The following USP24 variants were observed in gnomAD, a reference collection of about 807,000 sequenced individuals.
USP24 encodes ubiquitin specific peptidase 24, also known as ubiquitin carboxyl-terminal hydrolase 24.
Under a neutral mutation model 361.6 loss-of-function variants are expected in USP24, and 97 were observed. The observed-to-expected ratio is 0.27, with a 90% CI of 0.23 to 0.32. The LOEUF is 0.32. Among genes scored for constraint, USP24 ranks in the 10% least tolerant of loss-of-function variants. The probability of loss-of-function intolerance (pLI) is 1.00; values close to 1 mark genes in which losing one functional copy is unlikely to be tolerated. For missense variants in USP24, 2,353 were observed against 3,165.6 expected, an observed-to-expected ratio of 0.74 and a Z score of 6.16; for synonymous variants, 1,098 against 1,124.6, an observed-to-expected ratio of 0.98 and a Z score of 0.47.
intron 1 of USP24, among the ~76,000 whole-genome samples, chr1:55,198,550 T>C (rs1190490322): frequency 6.6e-6 from 1 of 152,218 alleles, no homozygotes; most frequent in Non-Finnish European, 1.5e-5. Flanking sequence ...CACTGTAAGA[T>C]GTTTATCAGC....
intron 1 of USP24, among the ~76,000 whole-genome samples, chr1:55,188,321 G>T (rs1363551510): frequency 6.6e-6 from 1 of 151,584 alleles, no homozygotes; most frequent in Non-Finnish European, 1.5e-5. Flanking sequence ...TTATTTCTTG[G>T]AAAAGCAAAA....
At chr1:55,078,135 C>A (rs1645068654) in intron 61 of USP24, among the ~76,000 whole-genome samples, 2 of 152,022 alleles carry the variant, frequency 1.3e-5, no homozygotes, top group South Asian at 4.1e-4. Flanking sequence ...ATTCTGTGGG[C>A]AGAAACTAAT....
At chr1:55,154,922 T>C (rs1162398215) in intron 12 of USP24, 144 bp from the exon 13 acceptor site, 21 of 595,706 alleles carry the variant, frequency 3.5e-5, no homozygotes, top group Non-Finnish European at 5.4e-5. Flanking sequence ...TTGCATAATA[T>C]TGGCAAGACT....
chr1:55,206,977 C>T (rs115095164), intron 1 of USP24, among the ~76,000 whole-genome samples: 1,652 of 152,002 alleles, frequency 0.011, 31 homozygotes, highest in African/African-American at 0.038. Context: ...GACCAGCCTG[C>T]GCAACATGGC....
At chr1:55,124,738 T>C in intron 34 of USP24, 110 bp from the exon 35 acceptor site, 1 of 1,221,998 alleles carries the variant, frequency 8.2e-7, no homozygotes, top group Non-Finnish European at 1.1e-6. Flanking sequence ...CCCTCCAAGG[T>C]CATCCAGAAA....
At chr1:55,172,140 G>C (rs1366121752) in intron 4 of USP24, among the ~76,000 whole-genome samples, 4 of 152,178 alleles carry the variant, frequency 2.6e-5, no homozygotes, top group Non-Finnish European at 5.9e-5. Flanking sequence ...GGAGAGGTAA[G>C]AGAAAGGCAT....
rs533166816 is a variant in USP24 at position 55,078,519 on chromosome 1, C to T, written c.7314+19G>A. The T allele has an allele frequency of 7.5e-6, 12 of 1,590,598 alleles. No individual in the cohort carries two copies. In the African/African-American group the frequency reaches 9.4e-5, roughly 12 times the overall value. ...ACTTAAAGGCTATCTGGCTATCACT[C>T]GTTTAACTGAGGTCTTACCTTAATG... On this transcript the variant is annotated intron_variant, in intron 61 of 67. Coordinates refer to ENST00000294383, the MANE Select transcript of USP24 (RefSeq NM_015306.3).
At chr1:55,145,204 A>G (rs754287037) in intron 20 of USP24, among the ~76,000 whole-genome samples, 76 of 152,340 alleles carry the variant, frequency 5.0e-4, no homozygotes, top group Admixed American at 1.1e-3. Flanking sequence ...AAACTTGTAC[A>G]TGAATGTTTA....
At chr1:55,198,457 C>A (rs979678788) in intron 1 of USP24, among the ~76,000 whole-genome samples, 1 of 151,882 alleles carries the variant, frequency 6.6e-6, no homozygotes, top group Non-Finnish European at 1.5e-5. Context: ...GGTTTTAAGT[C>A]CCACCATGAG....
chr1:55,164,115 T>C (rs1648576966), intron 7 of USP24, among the ~76,000 whole-genome samples: 1 of 151,980 alleles, frequency 6.6e-6, no homozygotes, highest in Non-Finnish European at 1.5e-5. Context: ...TGCAGAAATA[T>C]ATCACTTGCA....
chr1:55,084,965 G>A (rs1377221375), intron 56 of USP24, among the ~76,000 whole-genome samples: 1 of 152,194 alleles, frequency 6.6e-6, no homozygotes, highest in Non-Finnish European at 1.5e-5. Context: ...AGAGTGATAT[G>A]GTCCTTATGT....
chr1:55,113,320 A>C (rs2100561973), intron 38 of USP24, among the ~76,000 whole-genome samples: 1 of 152,316 alleles, frequency 6.6e-6, no homozygotes, highest in African/African-American at 2.4e-5. Context: ...CACCCTCCCA[A>C]GACTAAACCA....
intron 24 of USP24, among the ~76,000 whole-genome samples, 198 bp downstream of exon 24, chr1:55,141,418 C>T (rs1177300848): frequency 6.6e-6 from 1 of 152,116 alleles, no homozygotes; most frequent in Admixed American, 6.5e-5. Context: ...TGGTGATGAC[C>T]TACACACAGA....
intron 16 of USP24, chr1:55,151,961 A>G (rs1036259318): frequency 5.1e-6 from 5 of 985,814 alleles, no homozygotes; most frequent in Non-Finnish European, 6.0e-6. Flanking sequence ...ATCCCCAGTC[A>G]GCCCACCTTG....
At chr1:55,129,887 T>C (rs187667762) in intron 31 of USP24, among the ~76,000 whole-genome samples, 5 of 152,342 alleles carry the variant, frequency 3.3e-5, no homozygotes, top group Non-Finnish European at 5.9e-5. Flanking sequence ...ATGCTAGATA[T>C]ATTCTTTAGA....
In USP24 at chr1:55,073,880, C is replaced by T. The variant is rs1177972960; in HGVS notation, c.7474G>A (p.Asp2492Asn). 3 of 1,580,148 alleles carry T rather than the reference C, an allele frequency of 1.9e-6. No homozygotes were observed. Among genetic ancestry groups the T allele is most frequent in the African/African-American group, 1.3e-5 (1 of 74,194 alleles). ...ACACACTGGTAGCAGCGACTACTGT[C>T]CACATGATTACTGTGGTGCATCAAA... ...LALMHHSNHV[D>N]SSRCYQCVKF... The change falls in exon 64 of 68, where the codon GAC becomes AAC. Residue 2492 changes from aspartate (D) to asparagine (N), a missense_variant. Asp to Asn is a conservative substitution (Grantham distance 23). Transcript: ENST00000294383.
chr1:55,071,541 TG>T, intron 67 of USP24: 1 of 1,254,630 alleles, frequency 8.0e-7, no homozygotes, highest in Non-Finnish European at 1.0e-6. Context: ...CCCTGTGCCC[TG>T]GCTTCATCGG....
intron 55 of USP24, among the ~76,000 whole-genome samples, chr1:55,088,600 A>C (rs953836413): frequency 2.6e-5 from 4 of 152,096 alleles, no homozygotes; most frequent in Non-Finnish European, 2.9e-5. Flanking sequence ...GGGGTAGGAA[A>C]TGCTCATTTG....
At position 55,120,718 on chromosome 1, in the gene USP24, A is replaced by T; in HGVS notation, c.4386T>A (p.Ser1462Arg). 6.3e-7 allele frequency: 1 copy of T among 1,576,526 alleles called. No homozygotes were observed. Among genetic ancestry groups the T allele is most frequent in the Non-Finnish European group, 8.6e-7 (1 of 1,159,902 alleles). The change falls in exon 38 of 68, where the codon AGT (serine) becomes AGA (arginine). Residue 1462 changes from serine to arginine, a missense_variant. This residue lies in a region of USP24 where 949 missense variants were observed against 1,280.5 expected (regional missense o/e 0.74). Transcript: ENST00000294383. ...CTGGATGCGCTGATGTGTCTGTCTG[A>T]CTAAGAGTGTACAGCTGATCACAGG... ...RVACDQLYTL[S>R]QTDTSAHPDV...
Sources: allele counts gnomAD v4.1 joint callset (sites outside exome capture counted in the v4.1 genomes callset), GRCh38; gene constraint gnomAD v4.1.1; regional missense constraint gnomAD v4.1.1; transcripts MANE v1.5; gene names NCBI Gene and HGNC (gene_info 2026-07-23, HGNC 2026-07-21).